Variants in FGGY observed in about 807,000 individuals in gnomAD.
FGGY encodes FGGY carbohydrate kinase domain-containing protein.
FGGY carries 72 observed loss-of-function variants against 71.3 expected under a neutral mutation model. That is an observed-to-expected ratio of 1.01 (90% CI 0.84 to 1.23). The LOEUF is 1.23. Among genes scored for constraint, FGGY ranks in the 50% most tolerant of loss-of-function variants. The probability of loss-of-function intolerance (pLI) is 0.00; values close to 1 mark genes in which losing one functional copy is unlikely to be tolerated. For synonymous variants in FGGY, 251 were observed against 250.3 expected (o/e 1.00, Z -0.02); for missense variants, 668 against 682.3 (o/e 0.98, Z 0.23).
intron 12 of FGGY, among the ~76,000 whole-genome samples, chr1:59,665,220 G>A (rs981796419): frequency 6.6e-6 from 1 of 151,894 alleles, no homozygotes; most frequent in African/African-American, 2.4e-5. Flanking sequence ...TTCTCAAGGG[G>A]GTTCATGACC....
At chr1:59,725,091 G>A (rs1421139665) in intron 14 of FGGY, among the ~76,000 whole-genome samples, 5 of 151,964 alleles carry the variant, frequency 3.3e-5, no homozygotes, top group Non-Finnish European at 5.9e-5. Context: ...ATAGTTTTGT[G>A]TTTTACAATT....
intron 7 of FGGY, among the ~76,000 whole-genome samples, chr1:59,517,170 C>A (rs1331124491): frequency 3.3e-5 from 5 of 149,364 alleles, no homozygotes; most frequent in Non-Finnish European, 7.4e-5. Flanking sequence ...TTTTCCAGGT[C>A]TTTTCTTGGC....
chr1:59,510,778 C>T (rs1471600967), intron 6 of FGGY, among the ~76,000 whole-genome samples: 8 of 152,090 alleles, frequency 5.3e-5, no homozygotes, highest in Non-Finnish European at 1.0e-4. Flanking sequence ...TCTTTGATAT[C>T]TGGTGTGTAT....
chr1:59,576,655 CAGACAGACA>C (rs2096081483), intron 8 of FGGY, among the ~76,000 whole-genome samples: 1 of 139,440 alleles, frequency 7.2e-6, no homozygotes, highest in African/African-American at 2.7e-5. Flanking sequence ...CTAGAGATTA[CAGACAGACA>C]GACAGACAGA....
chr1:59,448,750 T>C (rs919186707), intron 5 of FGGY, among the ~76,000 whole-genome samples: 10 of 151,976 alleles, frequency 6.6e-5, no homozygotes, highest in Non-Finnish European at 1.2e-4. Flanking sequence ...CTGTGGGAGG[T>C]TGTGGCCTGA....
At chr1:59,361,478 A>G (rs956077382) in intron 4 of FGGY, among the ~76,000 whole-genome samples, 3 of 152,204 alleles carry the variant, frequency 2.0e-5, no homozygotes, top group African/African-American at 7.2e-5. Context: ...GGCAGTTTGT[A>G]AAAGCTAGTC....
At chr1:59,716,571 A>G (rs950224566) in intron 14 of FGGY, among the ~76,000 whole-genome samples, 2 of 152,238 alleles carry the variant, frequency 1.3e-5, no homozygotes, top group African/African-American at 4.8e-5. Context: ...CATCAAAGAA[A>G]AAAGAATCTC....
intron 1 of FGGY, among the ~76,000 whole-genome samples, chr1:59,316,700 A>C (rs2045516037): frequency 6.6e-6 from 1 of 152,210 alleles, no homozygotes; most frequent in South Asian, 2.1e-4. Flanking sequence ...AATAGGGGCT[A>C]AAAGTCAGTC....
chr1:59,608,071 G>A (rs956592003), intron 9 of FGGY, among the ~76,000 whole-genome samples, 161 bp downstream of exon 9: 1 of 152,194 alleles, frequency 6.6e-6, no homozygotes, highest in African/African-American at 2.4e-5. Context: ...TACACATGCA[G>A]CATATATTGC....
At chr1:59,596,207 A>G (rs1197689067) in intron 8 of FGGY, among the ~76,000 whole-genome samples, 1 of 151,694 alleles carries the variant, frequency 6.6e-6, no homozygotes, top group Admixed American at 6.6e-5. Context: ...TTTTTTTTTT[A>G]ACATGAGGCT....
intron 14 of FGGY, among the ~76,000 whole-genome samples, chr1:59,753,178 T>C (rs908602453): frequency 6.6e-6 from 1 of 152,010 alleles, no homozygotes; most frequent in African/African-American, 2.4e-5. Flanking sequence ...GGAACAGAAA[T>C]ATATTGTGGG....
chr1:59,620,113 G>A (rs149462307), intron 9 of FGGY, among the ~76,000 whole-genome samples: 2 of 152,030 alleles, frequency 1.3e-5, no homozygotes, highest in Non-Finnish European at 2.9e-5. Flanking sequence ...GAATTACTAC[G>A]TTTTCTGATG....
chr1:59,489,476 T>G (rs2093759203), intron 6 of FGGY, among the ~76,000 whole-genome samples: 1 of 152,202 alleles, frequency 6.6e-6, no homozygotes, highest in African/African-American at 2.4e-5. Flanking sequence ...GTGTTTAACT[T>G]TCTGTTCTTG....
chr1:59,558,023 A>C (rs1248976210), intron 8 of FGGY, among the ~76,000 whole-genome samples: 1 of 152,174 alleles, frequency 6.6e-6, no homozygotes, highest in Non-Finnish European at 1.5e-5. Context: ...AGACTCAAAG[A>C]CATAGGCTCA....
chr1:59,428,867 C>T (rs1041507417), intron 5 of FGGY, among the ~76,000 whole-genome samples: 41 of 152,188 alleles, frequency 2.7e-4, no homozygotes, highest in African/African-American at 8.9e-4. Context: ...CTTTTGAATA[C>T]GAAAGGTGGC....
intron 7 of FGGY, among the ~76,000 whole-genome samples, chr1:59,550,891 G>A (rs964874522): frequency 2.0e-5 from 3 of 152,204 alleles, no homozygotes; most frequent in Admixed American, 2.0e-4. Flanking sequence ...CCTTGGGCAA[G>A]TTACCTGAAC....
At chr1:59,399,657 T>A (rs1424334255) in intron 5 of FGGY, among the ~76,000 whole-genome samples, 1 of 152,150 alleles carries the variant, frequency 6.6e-6, no homozygotes, top group Non-Finnish European at 1.5e-5. Context: ...TGATATACAA[T>A]GATATTATCC....
At chr1:59,387,980 A>G (rs2060269000) in intron 5 of FGGY, among the ~76,000 whole-genome samples, 1 of 152,186 alleles carries the variant, frequency 6.6e-6, no homozygotes. Flanking sequence ...GATAGAGACT[A>G]CATTAAAACA....
chr1:59,589,790 G>C (rs759494600), intron 8 of FGGY, among the ~76,000 whole-genome samples: 1 of 152,104 alleles, frequency 6.6e-6, no homozygotes, highest in Admixed American at 6.5e-5. Flanking sequence ...TCAAAGCAGT[G>C]TGTAGAGGGA....
Sources: gnomAD v4.1 joint callset for allele counts (sites outside exome capture counted in the v4.1 genomes callset) on GRCh38, gnomAD v4.1.1 for gene constraint, MANE v1.5 for transcripts, NCBI Gene and HGNC (gene_info 2026-07-23, HGNC 2026-07-21) for gene names.